The following MPPED2 variants were observed in gnomAD, a reference collection of about 807,000 sequenced individuals.
MPPED2 encodes metallophosphoesterase domain containing 2, also known as metallophosphoesterase MPPED2.
Under a neutral mutation model 33.0 loss-of-function variants are expected in MPPED2, and 5 were observed. The ratio of observed to expected loss-of-function variants is 0.15; its 90% CI spans 0.08 to 0.32. The LOEUF (loss-of-function observed/expected upper bound fraction) is 0.32. Ranked by LOEUF, MPPED2 falls within the 10% of genes least tolerant of loss-of-function variation. The probability of loss-of-function intolerance (pLI) is 1.00; values close to 1 mark genes in which losing one functional copy is unlikely to be tolerated. For synonymous variants in MPPED2, 136 were observed against 141.9 expected (o/e 0.96, Z 0.29); for missense variants, 275 against 372.1 (o/e 0.74, Z 2.15).
At chr11:30,431,904 G>C (rs1949093976) in intron 4 of MPPED2, among the ~76,000 whole-genome samples, 1 of 152,158 alleles carries the variant, frequency 6.6e-6, no homozygotes, top group Non-Finnish European at 1.5e-5. Flanking sequence ...GCCGGGCACG[G>C]TGGCTCACGC....
chr11:30,494,145 A>C (rs977944423), intron 4 of MPPED2, among the ~76,000 whole-genome samples: 12 of 152,242 alleles, frequency 7.9e-5, no homozygotes, highest in African/African-American at 2.9e-4. Flanking sequence ...GAAGGGCTTC[A>C]AAATCTATAT....
At chr11:30,519,989 T>C (rs1043951167) in intron 3 of MPPED2, among the ~76,000 whole-genome samples, 4 of 152,186 alleles carry the variant, frequency 2.6e-5, no homozygotes, top group Non-Finnish European at 4.4e-5. Flanking sequence ...TCAGAGGTTG[T>C]ATATTTTATA....
intron 2 of MPPED2, among the ~76,000 whole-genome samples, chr11:30,551,149 C>G (rs1481823156): frequency 6.6e-6 from 1 of 151,836 alleles, no homozygotes; most frequent in Non-Finnish European, 1.5e-5. Flanking sequence ...GAACTGGATC[C>G]ACACTCTATA....
chr11:30,578,403 A>C (rs939303736), intron 2 of MPPED2, among the ~76,000 whole-genome samples: 4 of 152,204 alleles, frequency 2.6e-5, no homozygotes, highest in African/African-American at 9.6e-5. Flanking sequence ...AGCACTACAC[A>C]GCTGTCTAGG....
At chr11:30,529,829 G>A (rs568327668) in intron 3 of MPPED2, among the ~76,000 whole-genome samples, 62 of 152,284 alleles carry the variant, frequency 4.1e-4, no homozygotes, top group Non-Finnish European at 7.6e-4. Flanking sequence ...GTTGGTTACA[G>A]TCACACTCTG....
At chr11:30,449,368 C>A (rs1949951442) in intron 4 of MPPED2, among the ~76,000 whole-genome samples, 1 of 152,156 alleles carries the variant, frequency 6.6e-6, no homozygotes, top group Non-Finnish European at 1.5e-5. Flanking sequence ...ACAGATAGGA[C>A]AGGTGCAGTG....
intron 4 of MPPED2, among the ~76,000 whole-genome samples, chr11:30,476,746 T>C (rs752550493): frequency 4.6e-5 from 7 of 152,074 alleles, no homozygotes; most frequent in Non-Finnish European, 1.0e-4. Context: ...CAAAAAATAT[T>C]ACAATCAGCT....
At chr11:30,482,409 A>G (rs1951529405) in intron 4 of MPPED2, among the ~76,000 whole-genome samples, 1 of 152,178 alleles carries the variant, frequency 6.6e-6, no homozygotes, top group Non-Finnish European at 1.5e-5. Context: ...TGAATGTAAG[A>G]ATGCTTTTAC....
In MPPED2 at chr11:30,414,102, C is replaced by T. The variant is rs1026135482; in HGVS notation, c.766+126G>A. 9.7e-5 allele frequency: 63 copies of T among 652,598 alleles called. No homozygotes were observed. The East Asian group carries it at 1.4e-3, about 15-fold the overall frequency. The allele number at this position is 652,598 out of a possible 1,614,324, so 40.4% of individuals were successfully genotyped here. On this transcript the variant is annotated intron_variant, in intron 6 of 6. Coordinates refer to ENST00000358117, the MANE Select transcript of MPPED2 (RefSeq NM_001584.3). Reference sequence around the variant, plus strand: ...TTATATTCAGATGTTTCTCATAAGACTTCATCTTATAAAAGGGTCCCGCTG... The same window carrying T: ...TTATATTCAGATGTTTCTCATAAGATTTCATCTTATAAAAGGGTCCCGCTG...
intron 4 of MPPED2, among the ~76,000 whole-genome samples, chr11:30,472,361 GAATAATAAT>G (rs35857172): frequency 6.6e-6 from 1 of 150,758 alleles, no homozygotes; most frequent in Non-Finnish European, 1.5e-5. Flanking sequence ...GGCCTGTCTC[GAATAATAAT>G]AATAATAATA....
intron 4 of MPPED2, among the ~76,000 whole-genome samples, chr11:30,491,493 A>G (rs1369317350): frequency 1.3e-5 from 2 of 152,256 alleles, no homozygotes; most frequent in African/African-American, 4.8e-5. Flanking sequence ...GTTTGGAAAC[A>G]TTAACACATC....
intron 3 of MPPED2, among the ~76,000 whole-genome samples, chr11:30,498,199 C>T (rs566225391): frequency 2.1e-4 from 32 of 151,952 alleles, no homozygotes; most frequent in Admixed American, 9.8e-4. Flanking sequence ...TTATTCAGAT[C>T]ATGCCAGCTA....
rs564648196 is a variant in MPPED2 at position 30,425,258 on chromosome 11, T to C, written c.537-7625A>G. On this transcript the variant is annotated intron_variant, in intron 4 of 6. Transcript: ENST00000358117. ...CAAACACACCCGCTGTGTCCCTTTT[T>C]TGTAACTAATAAAGAACAAGTGTCA... 3.2e-4 allele frequency among the ~76,000 whole-genome samples: 48 copies of C among 152,244 alleles called. No homozygotes were observed. The South Asian group carries it at 3.7e-3, about 12-fold the overall frequency.
chr11:30,509,371 T>TA (rs1953015239), intron 3 of MPPED2, among the ~76,000 whole-genome samples: 1 of 152,328 alleles, frequency 6.6e-6, no homozygotes, highest in East Asian at 1.9e-4. Context: ...ACTATGCACT[T>TA]AAAGATTTTT....
At chr11:30,420,392 T>C (rs964395204) in intron 4 of MPPED2, among the ~76,000 whole-genome samples, 1 of 152,236 alleles carries the variant, frequency 6.6e-6, no homozygotes, top group African/African-American at 2.4e-5. Flanking sequence ...GCAGCCCTGC[T>C]GACACCTGGA....
At chr11:30,486,278 C>G (rs1283454898) in intron 4 of MPPED2, among the ~76,000 whole-genome samples, 1 of 152,128 alleles carries the variant, frequency 6.6e-6, no homozygotes, top group Non-Finnish European at 1.5e-5. Flanking sequence ...CTGGCAAGAC[C>G]TGGAGAAGTT....
intron 6 of MPPED2, among the ~76,000 whole-genome samples, chr11:30,412,674 T>A (rs1379093583): frequency 6.6e-6 from 1 of 152,186 alleles, no homozygotes; most frequent in Admixed American, 6.5e-5. Context: ...GTTATCTCTC[T>A]CCATCAAGAG....
chr11:30,499,190 A>C (rs977608384), intron 3 of MPPED2, among the ~76,000 whole-genome samples: 8 of 152,162 alleles, frequency 5.3e-5, no homozygotes. Flanking sequence ...GTACAGAAGG[A>C]GGGAGGTTCT....
intron 4 of MPPED2, among the ~76,000 whole-genome samples, chr11:30,464,899 C>T (rs530407510): frequency 1.5e-4 from 23 of 152,282 alleles, no homozygotes; most frequent in Admixed American, 1.5e-3. Flanking sequence ...CTATCACAGG[C>T]TCGTTCAATT....
Sources: gnomAD v4.1 joint callset for allele counts (sites outside exome capture counted in the v4.1 genomes callset) on GRCh38, gnomAD v4.1.1 for gene constraint, MANE v1.5 for transcripts, NCBI Gene and HGNC (gene_info 2026-07-23, HGNC 2026-07-21) for gene names.